Variants in ATP10A observed in about 807,000 individuals in gnomAD.
The protein encoded by ATP10A is phospholipid-transporting ATPase VA.
A neutral mutation model predicts 147.8 loss-of-function variants in ATP10A; 111 were observed. The observed-to-expected ratio is 0.75, with a 90% CI of 0.64 to 0.88. The LOEUF (loss-of-function observed/expected upper bound fraction) is 0.88, where lower values mean the gene tolerates loss of function less well. ATP10A is among the 40% of genes least tolerant of loss of function. ATP10A has a pLI of 0.00. For synonymous variants in ATP10A, 875 were observed against 841.6 expected (o/e 1.04, Z -0.69); for missense variants, 1,927 against 1,959.0 (o/e 0.98, Z 0.31).
intron 1 of ATP10A, among the ~76,000 whole-genome samples, chr15:25,799,301 C>T (rs561804963): frequency 2.6e-5 from 4 of 152,222 alleles, no homozygotes; most frequent in South Asian, 2.1e-4. Flanking sequence ...TATGTCCAAA[C>T]GCAGGTCGGA....
intron 12 of ATP10A, among the ~76,000 whole-genome samples, chr15:25,703,214 T>C (rs958901671): frequency 2.6e-5 from 4 of 152,094 alleles, no homozygotes; most frequent in Non-Finnish European, 5.9e-5. Flanking sequence ...AAAAATTACC[T>C]GGGCGTGGTA....
chr15:25,793,896 C>A (rs965788940), intron 1 of ATP10A, among the ~76,000 whole-genome samples: 4 of 152,222 alleles, frequency 2.6e-5, no homozygotes, highest in African/African-American at 4.8e-5. Context: ...GTGGGACTCA[C>A]CCCAGGGTTC....
chr15:25,724,783 A>T (rs1439577741), intron 5 of ATP10A, among the ~76,000 whole-genome samples: 1 of 152,260 alleles, frequency 6.6e-6, no homozygotes, highest in Non-Finnish European at 1.5e-5. Context: ...TCCACTAAGA[A>T]ATCGTCAGTT....
intron 13 of ATP10A, among the ~76,000 whole-genome samples, chr15:25,696,092 G>A (rs893885403): frequency 6.6e-6 from 1 of 152,168 alleles, no homozygotes; most frequent in African/African-American, 2.4e-5. Flanking sequence ...ACACGCTCCG[G>A]GGAGCCTGGG....
intron 1 of ATP10A, among the ~76,000 whole-genome samples, chr15:25,823,049 A>G (rs1891954531): frequency 6.6e-6 from 1 of 151,564 alleles, no homozygotes; most frequent in South Asian, 2.1e-4. Flanking sequence ...TCAGAAATTA[A>G]CTATTCAAAG....
downstream of ATP10A, among the ~76,000 whole-genome samples, chr15:25,677,058 C>T (rs140318145): frequency 2.0e-3 from 308 of 152,116 alleles, 2 homozygotes; most frequent in African/African-American, 7.0e-3. Flanking sequence ...ATCTGACCTC[C>T]GAGAACTTAG....
At chr15:25,717,067 T>A in intron 8 of ATP10A, 143 bp from the exon 9 acceptor site, 1 of 537,182 alleles carries the variant, frequency 1.9e-6, no homozygotes, top group East Asian at 3.5e-5. Context: ...ATTTTATAAT[T>A]GTAAATTACT....
At chr15:25,780,912 TG>T in intron 2 of ATP10A, 106 bp downstream of exon 2, 1 of 1,266,166 alleles carries the variant, frequency 7.9e-7, no homozygotes, top group African/African-American at 1.5e-5. Context: ...AAAAACAGCC[TG>T]GTCTGACAGA....
chr15:25,815,773 A>G (rs1596943991), intron 1 of ATP10A, among the ~76,000 whole-genome samples: 1 of 152,192 alleles, frequency 6.6e-6, no homozygotes, highest in African/African-American at 2.4e-5. Flanking sequence ...TCTATTTGTT[A>G]GCCATTTTAG....
At chr15:25,792,150 G>A (rs1890456405) in intron 1 of ATP10A, among the ~76,000 whole-genome samples, 1 of 152,186 alleles carries the variant, frequency 6.6e-6, no homozygotes, top group Admixed American at 6.5e-5. Flanking sequence ...TACCCACTCT[G>A]TTACAGATAA....
intron 2 of ATP10A, among the ~76,000 whole-genome samples, chr15:25,766,453 C>T (rs1371021806): frequency 6.6e-6 from 1 of 152,102 alleles, no homozygotes; most frequent in Non-Finnish European, 1.5e-5. Context: ...GCCCTCAGAC[C>T]CAACATCCTC....
chr15:25,751,309 T>C (rs928399482), intron 2 of ATP10A, among the ~76,000 whole-genome samples: 1 of 152,128 alleles, frequency 6.6e-6, no homozygotes, highest in African/African-American at 2.4e-5. Flanking sequence ...TACACATATC[T>C]GCATTATGTT....
At chr15:25,725,302 C>T (rs1351198833) in intron 5 of ATP10A, among the ~76,000 whole-genome samples, 2 of 152,150 alleles carry the variant, frequency 1.3e-5, no homozygotes, top group Non-Finnish European at 2.9e-5. Context: ...AAAACCAGTC[C>T]TTGGTGCCAA....
At chr15:25,856,349 C>T (rs1198278989) in intron 1 of ATP10A, among the ~76,000 whole-genome samples, 2 of 152,154 alleles carry the variant, frequency 1.3e-5, no homozygotes, top group East Asian at 1.9e-4. Context: ...TAAAGAGGTG[C>T]CTTCTGTCAT....
chr15:25,695,934 A>G (rs1900312605), intron 13 of ATP10A, among the ~76,000 whole-genome samples: 7 of 147,980 alleles, frequency 4.7e-5, no homozygotes. Flanking sequence ...CAGGAAAAGA[A>G]AAAAAAAAAA....
chr15:25,756,233 A>G lies in ATP10A; in HGVS notation c.655-20092T>C, dbSNP rs75023318. ...AGGAGAGAACACTGGCAAATGAAGA[A>G]TCTTGTCAGATCTGCTCCTATTTGT... is the stretch of plus-strand genomic sequence containing the variant. On this transcript the variant is annotated intron_variant, in intron 2 of 20. Coordinates refer to ENST00000555815, the MANE Select transcript of ATP10A (RefSeq NM_024490.4). 3.8e-3 allele frequency among the ~76,000 whole-genome samples: 583 copies of G among 152,324 alleles called. 3 individuals are homozygous for G. The highest frequency in any genetic ancestry group is 0.013 in the African/African-American group (550 of 41,564).
chr15:25,796,359 A>G (rs1890670022), intron 1 of ATP10A, among the ~76,000 whole-genome samples: 1 of 152,158 alleles, frequency 6.6e-6, no homozygotes, highest in Non-Finnish European at 1.5e-5. Flanking sequence ...GAGCCACAAT[A>G]GCACCACTAC....
chr15:25,729,460 G>A (rs1052518032), intron 3 of ATP10A, among the ~76,000 whole-genome samples: 5 of 152,176 alleles, frequency 3.3e-5, no homozygotes, highest in Admixed American at 6.5e-5. Flanking sequence ...TGCTGGAGCC[G>A]GCAACACACG....
In ATP10A at chr15:25,680,606, G is replaced by C. The variant is rs374108561; in HGVS notation, c.3678+204C>G. Among the ~76,000 whole-genome samples, 8 of 152,256 alleles carry C rather than the reference G, an allele frequency of 5.3e-5. No homozygotes were observed. In the East Asian group the frequency reaches 9.7e-4, roughly 18 times the overall value. On this transcript the variant is annotated intron_variant, in intron 19 of 20. Transcript: ENST00000555815. ...AGGCGGGAGGGAGATGAGCATGGCC[G>C]GGGAAGTGCGAGCATCAGGCTGCAG...
Sources: gnomAD v4.1 joint callset for allele counts (sites outside exome capture counted in the v4.1 genomes callset) on GRCh38, gnomAD v4.1.1 for gene constraint, MANE v1.5 for transcripts, NCBI Gene and HGNC (gene_info 2026-07-23, HGNC 2026-07-21) for gene names.